PZP: variants seen among roughly 807,000 people sequenced by gnomAD.
The protein encoded by PZP is PZP alpha-2-macroglobulin like, also known as pregnancy zone protein.
Under a neutral mutation model 179.8 loss-of-function variants are expected in PZP, and 150 were observed. That is an observed-to-expected ratio of 0.83 (90% CI 0.73 to 0.96). PZP has a LOEUF of 0.96. PZP is among the 40% of genes least tolerant of loss of function. The probability of loss-of-function intolerance (pLI) is 0.00; values close to 1 mark genes in which losing one functional copy is unlikely to be tolerated. For synonymous variants in PZP, 624 were observed against 652.3 expected (o/e 0.96, Z 0.66); for missense variants, 1,689 against 1,764.0 (o/e 0.96, Z 0.76).
At chr12:9,204,472 A>G (rs1389936321) in intron 1 of PZP, among the ~76,000 whole-genome samples, 1 of 152,252 alleles carries the variant, frequency 6.6e-6, no homozygotes, top group Non-Finnish European at 1.5e-5. Context: ...ATTACACAAA[A>G]TAACACATGT....
chr12:9,154,044 T>C lies in PZP; in HGVS notation c.3774+572A>G, dbSNP rs147444978. ...GCTGAGTTCCTTGGAGTAGTTGAAATGGAACTTCTCATTCCAAAAAGATCA... is the reference window on the plus strand; with the variant it reads ...GCTGAGTTCCTTGGAGTAGTTGAAACGGAACTTCTCATTCCAAAAAGATCA... On this transcript the variant is annotated intron_variant, in intron 29 of 35. Transcript: ENST00000261336. Among the ~76,000 whole-genome samples the C allele has an allele frequency of 1.2e-3, 176 of 152,318 alleles. 4 individuals are homozygous for C. Among genetic ancestry groups the C allele is most frequent in the Middle Eastern group, 6.8e-3 (2 of 294 alleles).
intron 7 of PZP, among the ~76,000 whole-genome samples, chr12:9,197,660 AATT>A (rs1208415166): frequency 1.9e-5 from 2 of 107,408 alleles, no homozygotes; most frequent in Non-Finnish European, 3.4e-5. Context: ...TATAATATAA[AATT>A]ATTATATATA....
At chr12:9,150,923 A>G (rs1441388803) in intron 33 of PZP, among the ~76,000 whole-genome samples, 177 bp from the exon 34 acceptor site, 2 of 152,204 alleles carry the variant, frequency 1.3e-5, no homozygotes, top group Non-Finnish European at 2.9e-5. Context: ...TTTACAGTCA[A>G]CAAATTTTCA....
chr12:9,201,437 A>G, intron 4 of PZP, 90 bp from the exon 5 acceptor site: 1 of 979,578 alleles, frequency 1.0e-6, no homozygotes. Flanking sequence ...ACTGAGGAAG[A>G]ATATTATCTG....
intron 16 of PZP, among the ~76,000 whole-genome samples, chr12:9,169,177 C>CA (rs201603445): frequency 0.018 from 1,703 of 94,000 alleles, 26 homozygotes; most frequent in African/African-American, 0.05. Context: ...TTTTGGTTTG[C>CA]AAATAAAAAA....
chr12:9,167,933 T>A (rs1793473266), intron 17 of PZP, among the ~76,000 whole-genome samples: 1 of 152,166 alleles, frequency 6.6e-6, no homozygotes, highest in Non-Finnish European at 1.5e-5. Context: ...AAAATCATAT[T>A]TACCATTTTT....
At chr12:9,168,753 CTT>C in intron 17 of PZP, 114 bp downstream of exon 17, 1 of 757,418 alleles carries the variant, frequency 1.3e-6, no homozygotes, top group Non-Finnish European at 2.2e-6. Context: ...TAATTTGAAT[CTT>C]GGTTTCTTTG....
intron 13 of PZP, among the ~76,000 whole-genome samples, chr12:9,184,250 A>T (rs1592521139): frequency 6.6e-6 from 1 of 151,984 alleles, no homozygotes. Flanking sequence ...AAGCTCGCCA[A>T]CCCCACCCCT....
chr12:9,138,605 C>T, the PZP span, among the ~76,000 whole-genome samples: 1 of 151,892 alleles, frequency 6.6e-6, no homozygotes, highest in East Asian at 1.9e-4. Flanking sequence ...GTATTAGAAT[C>T]TACCTGTGAA....
At chr12:9,140,520 G>A in the PZP span, among the ~76,000 whole-genome samples, 2 of 152,302 alleles carry the variant, frequency 1.3e-5, no homozygotes, top group African/African-American at 4.8e-5. Flanking sequence ...GGTAGGAATG[G>A]TTTGCATTAT....
At chr12:9,192,448 G>C in intron 12 of PZP, 64 bp downstream of exon 12, 1 of 1,457,080 alleles carries the variant, frequency 6.9e-7, no homozygotes, top group Non-Finnish European at 9.6e-7. Context: ...TGACATTCCT[G>C]AGCCTATTGA....
chr12:9,152,811 T>A lies in PZP; in HGVS notation c.4121+13A>T. On this transcript the variant is annotated intron_variant, in intron 31 of 35. Transcript: ENST00000261336. Reference sequence around the variant, plus strand: ...TTGGGCCAAAGATAGGTGATTAGGTTAGAACGTCTTACCTGATGGTCAGTG... The same window carrying A: ...TTGGGCCAAAGATAGGTGATTAGGTAAGAACGTCTTACCTGATGGTCAGTG... The A allele has an allele frequency of 6.2e-7, 1 of 1,613,686 alleles. No individual in the cohort carries two copies. The highest frequency in any genetic ancestry group is 8.5e-7 in the Non-Finnish European group (1 of 1,179,806).
chr12:9,174,461 T>C (rs780262161), intron 15 of PZP, among the ~76,000 whole-genome samples: 1 of 152,176 alleles, frequency 6.6e-6, no homozygotes, highest in Non-Finnish European at 1.5e-5. Flanking sequence ...AGTATTGGAA[T>C]TTCTGGCCAG....
intron 7 of PZP, among the ~76,000 whole-genome samples, chr12:9,198,276 C>A (rs1005441752): frequency 2.6e-5 from 4 of 151,916 alleles, no homozygotes; most frequent in African/African-American, 9.7e-5. Flanking sequence ...CACATAAGCC[C>A]AGGAGTTTGA....
intron 33 of PZP, among the ~76,000 whole-genome samples, chr12:9,151,274 A>C (rs767026725): frequency 5.9e-5 from 9 of 152,100 alleles, no homozygotes; most frequent in Non-Finnish European, 8.8e-5. Context: ...AGTCCTATTG[A>C]TTTATCACTT....
intron 7 of PZP, among the ~76,000 whole-genome samples, chr12:9,198,395 T>C (rs1052920657): frequency 3.9e-5 from 6 of 152,178 alleles, no homozygotes; most frequent in African/African-American, 9.7e-5. Flanking sequence ...ATCATTCTTC[T>C]TTATTTTGTT....
chr12:9,181,863 C>T, intron 14 of PZP, 112 bp downstream of exon 14: 1 of 1,208,906 alleles, frequency 8.3e-7, no homozygotes, highest in Non-Finnish European at 1.1e-6. Flanking sequence ...TTGTTGGGAA[C>T]TGTTGGGCAA....
rs142153946 is a variant in PZP at position 9,204,014 on chromosome 12, A to G, written c.84-63T>C. ...TGATAGTAAGCGTTTTCATCCATAA[A>G]TGTGTTTTCATAACAATATGTATTA... On this transcript the variant is annotated intron_variant, in intron 1 of 35. Coordinates refer to ENST00000261336, the MANE Select transcript of PZP (RefSeq NM_002864.3). 4.9e-6 allele frequency: 7 copies of G among 1,425,402 alleles called. No individual in the cohort carries two copies. In the East Asian group the frequency reaches 1.4e-4, roughly 28 times the overall value. 88.3% of individuals were successfully genotyped at this position (1,425,402 alleles called of 1,614,324 possible).
At position 9,170,376 on chromosome 12, in the gene PZP, A is replaced by G. The variant is rs953933147; in HGVS notation, c.1840-785T>C. On this transcript the variant is annotated intron_variant, in intron 15 of 35. Transcript: ENST00000261336. The surrounding 1 kb of genome is among the most constrained non-coding windows in gnomAD (Gnocchi z 4.6). ...GTCTTGGCAGAGCAGCTGCTCAGGC[A>G]CACAGAAACCCTGGAGTTTTACATA... 9.2e-5 allele frequency among the ~76,000 whole-genome samples: 14 copies of G among 152,196 alleles called. No individual in the cohort carries two copies. The highest frequency in any genetic ancestry group is 5.9e-5 in the Non-Finnish European group (4 of 68,032).
Sources: allele counts gnomAD v4.1 joint callset (sites outside exome capture counted in the v4.1 genomes callset), GRCh38; gene constraint gnomAD v4.1.1; non-coding constraint Gnocchi (gnomAD v3.1); transcripts MANE v1.5; gene names NCBI Gene and HGNC (gene_info 2026-07-23, HGNC 2026-07-21).